Variants in RASEF observed in about 807,000 individuals in gnomAD.
RASEF encodes the protein RAS and EF-hand domain containing.
RASEF carries 68 observed loss-of-function variants against 90.1 expected under a neutral mutation model. The observed-to-expected ratio is 0.75, with a 90% CI of 0.62 to 0.92. RASEF has a LOEUF of 0.92. RASEF is among the 40% of genes least tolerant of loss of function. The pLI is 0.00. For missense variants in RASEF, 949 were observed against 937.2 expected (o/e 1.01, Z -0.16); for synonymous variants, 331 against 345.2 (o/e 0.96, Z 0.46).
chr9:83,179,606 T>A, the RASEF span, among the ~76,000 whole-genome samples: 1 of 152,148 alleles, frequency 6.6e-6, no homozygotes, highest in Non-Finnish European at 1.5e-5. Context: ...CCACCACATA[T>A]CCTATCGACC....
chr9:83,083,829 T>A, the RASEF span, among the ~76,000 whole-genome samples: 16 of 152,272 alleles, frequency 1.1e-4, no homozygotes, highest in Non-Finnish European at 1.9e-4. Flanking sequence ...CAATATTTAT[T>A]GCAATCCTTA....
chr9:83,124,675 T>G, the RASEF span, among the ~76,000 whole-genome samples: 1 of 152,138 alleles, frequency 6.6e-6, no homozygotes, highest in African/African-American at 2.4e-5. Flanking sequence ...GTCAGTAAAA[T>G]CCTGAAACTT....
chr9:83,186,006 C>T, the RASEF span, among the ~76,000 whole-genome samples: 2 of 152,164 alleles, frequency 1.3e-5, no homozygotes, highest in Non-Finnish European at 2.9e-5. Flanking sequence ...CCTGATTTAT[C>T]CCTGCGTCGT....
chr9:83,113,206 G>T, the RASEF span, among the ~76,000 whole-genome samples: 2 of 152,138 alleles, frequency 1.3e-5, no homozygotes, highest in Non-Finnish European at 2.9e-5. Flanking sequence ...AATTTCTTAT[G>T]CCTGTCTTTA....
At chr9:83,218,730 C>A in the RASEF span, among the ~76,000 whole-genome samples, 1 of 152,328 alleles carries the variant, frequency 6.6e-6, no homozygotes, top group South Asian at 2.1e-4. Context: ...CTTGCATTCC[C>A]ACCAGGCCAC....
At chr9:83,046,890 G>A (rs1249688404) in intron 1 of RASEF, among the ~76,000 whole-genome samples, 4 of 152,304 alleles carry the variant, frequency 2.6e-5, no homozygotes, top group East Asian at 1.9e-4. Context: ...TTTCACCACT[G>A]CATTCGGATT....
At chr9:83,122,442 G>A in the RASEF span, among the ~76,000 whole-genome samples, 1 of 152,178 alleles carries the variant, frequency 6.6e-6, no homozygotes, top group Admixed American at 6.5e-5. Flanking sequence ...AGCCAAAGGA[G>A]GAGGGAGAAA....
At chr9:83,006,005 C>T (rs188792343) in intron 7 of RASEF, among the ~76,000 whole-genome samples, 20 of 152,212 alleles carry the variant, frequency 1.3e-4, no homozygotes, top group African/African-American at 4.8e-4. Context: ...GGGTTCAAAT[C>T]CTAACTCTTA....
chr9:83,210,961 G>T, the RASEF span, among the ~76,000 whole-genome samples: 2 of 152,198 alleles, frequency 1.3e-5, no homozygotes, highest in Admixed American at 1.3e-4. Context: ...ATAATTTAGT[G>T]TAGATTTTCT....
chr9:83,061,789 A>T (rs1395628616), intron 1 of RASEF, among the ~76,000 whole-genome samples: 2 of 152,196 alleles, frequency 1.3e-5, no homozygotes, highest in Non-Finnish European at 2.9e-5. Context: ...AGTTCACAAA[A>T]TTTGGGTCAA....
chr9:83,044,402 T>C (rs1829892883), intron 1 of RASEF, among the ~76,000 whole-genome samples: 2 of 152,116 alleles, frequency 1.3e-5, no homozygotes, highest in Admixed American at 1.3e-4. Flanking sequence ...AAGAGTGGGA[T>C]TGTAGGGTGA....
intron 1 of RASEF, chr9:83,055,822 G>A (rs1343012064): frequency 1.8e-5 from 11 of 598,052 alleles, no homozygotes; most frequent in Admixed American, 1.1e-4. Flanking sequence ...TAAGGACCCC[G>A]AAGGGTCTAT....
At chr9:83,041,969 A>G (rs1449986360) in intron 1 of RASEF, among the ~76,000 whole-genome samples, 3 of 152,210 alleles carry the variant, frequency 2.0e-5, no homozygotes, top group Non-Finnish European at 4.4e-5. Flanking sequence ...AAGAAAAACC[A>G]GTCTTCCCTT....
chr9:83,215,874 T>C, the RASEF span, among the ~76,000 whole-genome samples: 85 of 152,164 alleles, frequency 5.6e-4, no homozygotes, highest in African/African-American at 1.9e-3. Flanking sequence ...TAGAGACTTA[T>C]TGAATGCTTT....
chr9:83,111,623 TTTTA>T, the RASEF span, among the ~76,000 whole-genome samples: 1 of 152,160 alleles, frequency 6.6e-6, no homozygotes, highest in Admixed American at 6.5e-5. Flanking sequence ...TATATACAAT[TTTTA>T]TTTGTCAATT....
At chr9:83,208,321 A>C in the RASEF span, among the ~76,000 whole-genome samples, 13 of 152,182 alleles carry the variant, frequency 8.5e-5, no homozygotes, top group Non-Finnish European at 2.9e-5. Context: ...GTGGGAGATA[A>C]GAAAATTCCT....
intron 1 of RASEF, among the ~76,000 whole-genome samples, chr9:83,042,092 T>A (rs969340997): frequency 3.3e-5 from 5 of 152,192 alleles, no homozygotes; most frequent in African/African-American, 1.2e-4. Flanking sequence ...ACCTTTAACA[T>A]TCCCTTGGTT....
intron 16 of RASEF, among the ~76,000 whole-genome samples, chr9:82,984,556 C>T (rs1426792361): frequency 6.6e-6 from 1 of 152,166 alleles, no homozygotes; most frequent in Non-Finnish European, 1.5e-5. Flanking sequence ...ACACACCCGA[C>T]AGGAGATGGG....
chr9:83,062,683 A>G lies in RASEF; in HGVS notation c.185T>C (p.Ile62Thr). ...GCCACGCGCGAACTCCTGGAAGGTG[A>G]TGGCGCCGTCACGGTCGGCGTCCAG... ...QRLDADRDGAITFQEFARGFL... is the reference protein window; with the variant it reads ...QRLDADRDGATTFQEFARGFL... The change falls in exon 1 of 17, where the codon ATC (isoleucine) becomes ACC (threonine). Residue 62 changes from isoleucine to threonine, a missense_variant. This residue lies in a region of RASEF where 656 missense variants were observed against 592.2 expected (regional missense o/e 1.11). Transcript: ENST00000376447. 1 of 1,575,472 alleles carries G rather than the reference A, an allele frequency of 6.3e-7. No individual in the cohort carries two copies. The highest frequency in any genetic ancestry group is 1.1e-5 in the South Asian group (1 of 87,736).
Sources: gnomAD v4.1 joint callset for allele counts (sites outside exome capture counted in the v4.1 genomes callset) on GRCh38, gnomAD v4.1.1 for gene constraint, gnomAD v4.1.1 regional missense constraint, MANE v1.5 for transcripts, NCBI Gene and HGNC (gene_info 2026-07-23, HGNC 2026-07-21) for gene names.